Variants in LRRC4C observed in about 807,000 individuals in gnomAD.
The protein encoded by LRRC4C is leucine rich repeat containing 4C.
A neutral mutation model predicts 33.6 loss-of-function variants in LRRC4C; 5 were observed. The ratio of observed to expected loss-of-function variants is 0.15; its 90% confidence interval spans 0.08 to 0.31. The LOEUF (loss-of-function observed/expected upper bound fraction) is 0.31, where lower values mean the gene tolerates loss of function less well. Ranked by LOEUF, LRRC4C falls within the 10% of genes least tolerant of loss-of-function variation. LRRC4C has a pLI of 1.00. For synonymous variants in LRRC4C, 329 were observed against 302.0 expected (o/e 1.09, Z -0.93); for missense variants, 560 against 796.7 (o/e 0.70, Z 3.58).
At chr11:40,342,927 T>A (rs1681455850) in intron 3 of LRRC4C, among the ~76,000 whole-genome samples, 1 of 152,182 alleles carries the variant, frequency 6.6e-6, no homozygotes, top group Admixed American at 6.5e-5. Context: ...TCTCTCCATC[T>A]ATTTTTCTTT....
chr11:40,209,473 A>G (rs1863416642), intron 5 of LRRC4C, among the ~76,000 whole-genome samples: 1 of 152,176 alleles, frequency 6.6e-6, no homozygotes, highest in Admixed American at 6.5e-5. Context: ...TCAAAGTACA[A>G]TTTGGGAATT....
intron 1 of LRRC4C, among the ~76,000 whole-genome samples, chr11:41,191,274 T>C (rs550294920): frequency 6.6e-6 from 1 of 152,164 alleles, no homozygotes; most frequent in African/African-American, 2.4e-5. Flanking sequence ...GCAAAGATAA[T>C]CTACATCAAG....
chr11:40,661,616 G>A lies in LRRC4C; in HGVS notation c.-406-13338C>T, dbSNP rs1054544750. The stretch of plus-strand genomic sequence containing the variant: ...TCCTCTTTAGAAGGTGGTAATAATG[G>A]TATTTAACTAAAAGTGTTTCAGTTC... On this transcript the variant is annotated intron_variant, in intron 2 of 6. Coordinates refer to ENST00000528697, the MANE Select transcript of LRRC4C (RefSeq NM_001258419.2). 2.0e-5 allele frequency among the ~76,000 whole-genome samples: 3 copies of A among 152,092 alleles called. No homozygotes were observed. The East Asian group carries it at 5.8e-4, about 29-fold the overall frequency.
At chr11:41,008,311 T>G (rs772670323) in intron 1 of LRRC4C, among the ~76,000 whole-genome samples, 1 of 152,112 alleles carries the variant, frequency 6.6e-6, no homozygotes, top group Non-Finnish European at 1.5e-5. Flanking sequence ...CCACCCTAAC[T>G]CTTTAACTGG....
intron 3 of LRRC4C, among the ~76,000 whole-genome samples, chr11:40,424,099 A>ACAT: frequency 6.6e-6 from 1 of 152,208 alleles, no homozygotes; most frequent in African/African-American, 2.4e-5. Context: ...GAAGGTAAAT[A>ACAT]CATCATACAG....
At chr11:40,561,569 C>A (rs990962449) in intron 3 of LRRC4C, among the ~76,000 whole-genome samples, 1 of 151,898 alleles carries the variant, frequency 6.6e-6, no homozygotes, top group Non-Finnish European at 1.5e-5. Context: ...CCCGCCACCA[C>A]GCCCGGCTAA....
At chr11:40,429,962 A>G (rs78747824) in intron 3 of LRRC4C, among the ~76,000 whole-genome samples, 5,552 of 152,176 alleles carry the variant, frequency 0.036, 341 homozygotes, top group African/African-American at 0.13. Flanking sequence ...TTAGTTTCAA[A>G]GCGCAGTTAT....
intron 2 of LRRC4C, among the ~76,000 whole-genome samples, chr11:40,746,907 C>A (rs766495321): frequency 4.6e-5 from 7 of 152,186 alleles, no homozygotes; most frequent in Non-Finnish European, 7.4e-5. Flanking sequence ...TGCTCAGGAG[C>A]CAGAGGGTCA....
At chr11:40,996,074 T>A (rs1853949998) in intron 1 of LRRC4C, among the ~76,000 whole-genome samples, 1 of 152,176 alleles carries the variant, frequency 6.6e-6, no homozygotes, top group Non-Finnish European at 1.5e-5. Flanking sequence ...ATAATATTCT[T>A]TGTGTTCATG....
chr11:41,130,674 T>C (rs186900803), intron 1 of LRRC4C, among the ~76,000 whole-genome samples: 106 of 152,180 alleles, frequency 7.0e-4, no homozygotes, highest in African/African-American at 2.5e-3. Context: ...TATACATTCA[T>C]TTGCCAATTG....
At chr11:40,657,582 G>C (rs371831690) in intron 2 of LRRC4C, among the ~76,000 whole-genome samples, 32 of 152,192 alleles carry the variant, frequency 2.1e-4, no homozygotes, top group African/African-American at 7.5e-4. Flanking sequence ...TGCAGCCTTT[G>C]TCTCTCACCT....
chr11:40,815,700 A>C (rs912613411), intron 2 of LRRC4C, among the ~76,000 whole-genome samples: 27 of 152,088 alleles, frequency 1.8e-4, no homozygotes, highest in Admixed American at 1.4e-3. Context: ...TCCTGTTGTT[A>C]CTGTTCTGTC....
chr11:41,033,732 C>A (rs771155715), intron 1 of LRRC4C, among the ~76,000 whole-genome samples: 3 of 152,008 alleles, frequency 2.0e-5, no homozygotes, highest in Non-Finnish European at 2.9e-5. Context: ...TCTTATCAAT[C>A]ACATTAAAAT....
At chr11:41,152,059 C>A (rs1289909445) in intron 1 of LRRC4C, among the ~76,000 whole-genome samples, 2 of 152,158 alleles carry the variant, frequency 1.3e-5, no homozygotes, top group African/African-American at 2.4e-5. Flanking sequence ...CCACGAACTC[C>A]CTTGTTCTCT....
intron 1 of LRRC4C, among the ~76,000 whole-genome samples, chr11:41,073,089 A>G (rs1029364450): frequency 6.6e-6 from 1 of 152,184 alleles, no homozygotes; most frequent in African/African-American, 2.4e-5. Flanking sequence ...CTTTTAGCAG[A>G]AATACCTTTA....
intron 3 of LRRC4C, among the ~76,000 whole-genome samples, chr11:40,336,016 T>G (rs540504398): frequency 6.6e-6 from 1 of 152,352 alleles, no homozygotes; most frequent in South Asian, 2.1e-4. Context: ...GACCAGTGCC[T>G]GACACATACT....
intron 4 of LRRC4C, among the ~76,000 whole-genome samples, chr11:40,300,322 C>G (rs1944709672): frequency 6.6e-6 from 1 of 152,160 alleles, no homozygotes; most frequent in Admixed American, 6.5e-5. Flanking sequence ...ATCAGAAACG[C>G]TAATGTGTTC....
intron 1 of LRRC4C, among the ~76,000 whole-genome samples, chr11:41,262,407 T>TAAA (rs71063907): frequency 3.7e-4 from 54 of 144,178 alleles, no homozygotes; most frequent in African/African-American, 1.0e-3. Flanking sequence ...AACAGTTGAT[T>TAAA]AAAAAAAAAA....
chr11:40,379,109 A>T (rs1948766305), intron 3 of LRRC4C, among the ~76,000 whole-genome samples: 2 of 152,142 alleles, frequency 1.3e-5, no homozygotes, highest in Non-Finnish European at 2.9e-5. Context: ...GAGGAGATAA[A>T]GTTATAAAGA....
Sources: gnomAD v4.1 joint callset for allele counts (sites outside exome capture counted in the v4.1 genomes callset) on GRCh38, gnomAD v4.1.1 for gene constraint, MANE v1.5 for transcripts, NCBI Gene and HGNC (gene_info 2026-07-23, HGNC 2026-07-21) for gene names.